SKIL: variants seen among roughly 807,000 people sequenced by gnomAD.
SKIL encodes the protein ski-like protein.
Under a neutral mutation model 69.6 loss-of-function variants are expected in SKIL, and 20 were observed. The observed-to-expected ratio is 0.29, with a 90% CI of 0.20 to 0.42. The LOEUF (loss-of-function observed/expected upper bound fraction) is 0.42. Ranked by LOEUF, SKIL falls within the 10% of genes least tolerant of loss-of-function variation. The probability of loss-of-function intolerance (pLI) is 1.00; values close to 1 mark genes in which losing one functional copy is unlikely to be tolerated. For missense variants in SKIL, 745 were observed against 783.1 expected (o/e 0.95, Z 0.58); for synonymous variants, 310 against 279.9 (o/e 1.11, Z -1.08).
At position 170,367,479 on chromosome 3, in the gene SKIL, A is replaced by C. The variant is rs77563273; in HGVS notation, c.1098+6050A>C. Among the ~76,000 whole-genome samples the C allele has an allele frequency of 5.5e-4, 7 of 12,652 alleles. No homozygotes were observed. In the Admixed American group the frequency reaches 6.7e-3, roughly 12 times the overall value. 8.3% of individuals were successfully genotyped at this position (12,652 alleles called of 152,430 possible). On this transcript the variant is annotated intron_variant, in intron 2 of 6. Coordinates refer to ENST00000259119, the MANE Select transcript of SKIL (RefSeq NM_005414.5). ...ATATATACCCTTTTTTTTTTTTTTT[A>C]AATTGAGATGGAGTTTCGCCCTTGT...
chr3:170,359,109 A>G (rs1577402982), intron 1 of SKIL, among the ~76,000 whole-genome samples: 1 of 152,178 alleles, frequency 6.6e-6, no homozygotes, highest in South Asian at 2.1e-4. Context: ...CCCCGGTACT[A>G]CTAATTGAGA....
intron 2 of SKIL, among the ~76,000 whole-genome samples, chr3:170,370,149 G>A (rs1220795320): frequency 1.3e-5 from 2 of 152,080 alleles, no homozygotes; most frequent in Non-Finnish European, 2.9e-5. Context: ...TGAGGCAGGA[G>A]AATGGCGTAA....
At position 170,395,665 on chromosome 3, in the gene SKIL, C is replaced by T. The variant is rs1228281656; in HGVS notation, c.*3248C>T. ...AAAGCTAGTGCTGAAGGATTTTAAT[C>T]AGCTTCTAAAATTTTCTTCTCAATA... On this transcript the variant is annotated 3_prime_UTR_variant, in exon 7 of 7. Coordinates refer to ENST00000259119, the MANE Select transcript of SKIL (RefSeq NM_005414.5). The T allele has an allele frequency of 2.6e-5, 4 of 152,084 alleles. No homozygotes were observed. Among genetic ancestry groups the T allele is most frequent in the African/African-American group, 7.2e-5 (3 of 41,450 alleles). 9.4% of individuals were successfully genotyped at this position (152,084 alleles called of 1,614,324 possible). A position where few individuals can be genotyped will look rare whatever the true frequency, so the allele number is the denominator to read the frequency against.
chr3:170,358,628 C>T (rs1736061789), intron 1 of SKIL: 1 of 152,420 alleles, frequency 6.6e-6, no homozygotes, highest in South Asian at 2.1e-4. Context: ...GTCCTTAATC[C>T]TTTGGGTCTG....
intron 3 of SKIL, among the ~76,000 whole-genome samples, chr3:170,382,151 TTCTATTTA>T (rs760152746): frequency 6.6e-6 from 1 of 152,194 alleles, no homozygotes; most frequent in African/African-American, 2.4e-5. Flanking sequence ...TATTTTTTGT[TTCTATTTA>T]TCATTATAGG....
At chr3:170,390,911 C>A in intron 5 of SKIL, 125 bp from the exon 6 acceptor site, 1 of 562,140 alleles carries the variant, frequency 1.8e-6, no homozygotes, top group Non-Finnish European at 3.2e-6. Flanking sequence ...AAAATAATTA[C>A]CTCTATATAG....
intron 2 of SKIL, among the ~76,000 whole-genome samples, chr3:170,379,907 G>C (rs553944805): frequency 3.3e-4 from 50 of 152,268 alleles, no homozygotes; most frequent in South Asian, 3.1e-3. Context: ...GCCTCCCACA[G>C]TGCTGGAATT....
At chr3:170,371,846 A>G (rs1346799629) in intron 2 of SKIL, among the ~76,000 whole-genome samples, 2 of 152,230 alleles carry the variant, frequency 1.3e-5, no homozygotes, top group Non-Finnish European at 2.9e-5. Flanking sequence ...GTGGGTCACC[A>G]GCATTAAAAA....
chr3:170,358,898 T>A (rs1736076433), intron 1 of SKIL, among the ~76,000 whole-genome samples: 1 of 152,208 alleles, frequency 6.6e-6, no homozygotes, highest in Non-Finnish European at 1.5e-5. Context: ...AAGAGAAAGT[T>A]AATTTTTGCC....
At chr3:170,371,641 A>G (rs1014305431) in intron 2 of SKIL, among the ~76,000 whole-genome samples, 10 of 152,368 alleles carry the variant, frequency 6.6e-5, no homozygotes, top group African/African-American at 1.9e-4. Context: ...GCAGGGTTCC[A>G]TAAGGGGAGA....
chr3:170,372,037 A>G (rs567338400), intron 2 of SKIL, among the ~76,000 whole-genome samples: 1 of 152,348 alleles, frequency 6.6e-6, no homozygotes, highest in South Asian at 2.1e-4. Context: ...AGAATTATAC[A>G]GATTAAAATT....
At chr3:170,369,513 T>C (rs1389732659) in intron 2 of SKIL, among the ~76,000 whole-genome samples, 1 of 152,136 alleles carries the variant, frequency 6.6e-6, no homozygotes, top group Non-Finnish European at 1.5e-5. Context: ...GTGATTCTCA[T>C]GCCTCAGCCT....
intron 2 of SKIL, among the ~76,000 whole-genome samples, chr3:170,362,742 G>C (rs931492157): frequency 6.6e-6 from 1 of 151,200 alleles, no homozygotes; most frequent in African/African-American, 2.4e-5. Context: ...TTGAACCTGG[G>C]AAGCGGAGGT....
chr3:170,381,195 C>A, intron 2 of SKIL, 49 bp from the exon 3 acceptor site: 4 of 1,022,206 alleles, frequency 3.9e-6, no homozygotes, highest in African/African-American at 1.6e-5. Flanking sequence ...TAAAATTAAC[C>A]TTCACAGTTT....
At chr3:170,377,974 A>G (rs1026768599) in intron 2 of SKIL, among the ~76,000 whole-genome samples, 4 of 151,680 alleles carry the variant, frequency 2.6e-5, no homozygotes, top group Admixed American at 6.6e-5. Context: ...GCTCACTGCA[A>G]TCTCCACCTC....
chr3:170,361,542 C>A (rs186186237), intron 2 of SKIL, 113 bp downstream of exon 2: 2 of 818,470 alleles, frequency 2.4e-6, no homozygotes, highest in African/African-American at 3.4e-5. Flanking sequence ...GCAACAACAA[C>A]AAAATACCGA....
intron 4 of SKIL, among the ~76,000 whole-genome samples, chr3:170,386,546 C>T (rs1466057980): frequency 5.3e-5 from 8 of 152,036 alleles, no homozygotes; most frequent in East Asian, 1.9e-4. Flanking sequence ...CATAGCTCAC[C>T]GCAGCTTCAA....
At chr3:170,377,715 AT>A (rs1223735930) in intron 2 of SKIL, among the ~76,000 whole-genome samples, 124 of 138,486 alleles carry the variant, frequency 9.0e-4, no homozygotes, top group Admixed American at 9.5e-4. Flanking sequence ...CACCCGACTA[AT>A]TTTTTTTTTT....
rs1737776094 is a variant in SKIL, at chr3:170,388,871, T to C, written c.1430-1352T>C. 2.2e-5 allele frequency among the ~76,000 whole-genome samples: 3 copies of C among 138,582 alleles called. No individual in the cohort carries two copies. In the South Asian group the frequency reaches 6.7e-4, roughly 31 times the overall value. 90.9% of individuals were successfully genotyped at this position (138,582 alleles called of 152,430 possible). On this transcript the variant is annotated intron_variant, in intron 4 of 6. Transcript: ENST00000259119. The stretch of plus-strand genomic sequence containing the variant: ...AAATATTTATTTATGTATTTATTTA[T>C]TTATTTATTTATTTTTGAGACAGAG...
Sources: gnomAD v4.1 joint callset for allele counts (sites outside exome capture counted in the v4.1 genomes callset) on GRCh38, gnomAD v4.1.1 for gene constraint, MANE v1.5 for transcripts, NCBI Gene and HGNC (gene_info 2026-07-23, HGNC 2026-07-21) for gene names.